The following MYG1 variants were observed in gnomAD, a reference collection of about 807,000 sequenced individuals.
MYG1 encodes MYG1 exonuclease.
MYG1 carries 36 observed loss-of-function variants against 43.5 expected under a neutral mutation model. The observed-to-expected ratio is 0.83, with a 90% CI of 0.63 to 1.09. The LOEUF (loss-of-function observed/expected upper bound fraction) is 1.09. MYG1 is among the 50% of genes least tolerant of loss of function. MYG1 has a pLI of 0.00. For missense variants in MYG1, 529 were observed against 495.1 expected (o/e 1.07, Z -0.65); for synonymous variants, 220 against 202.8 (o/e 1.08, Z -0.72).
At chr12:53,304,078 C>A (rs1370019312) in intron 3 of MYG1, among the ~76,000 whole-genome samples, 1 of 151,958 alleles carries the variant, frequency 6.6e-6, no homozygotes, top group African/African-American at 2.4e-5. Flanking sequence ...CTCCTGACCT[C>A]GTGATCTGCC....
At position 53,299,782 on chromosome 12, in the gene MYG1, GCCGCCACCCCTGTATAC is replaced by G. The variant is rs1280954485; in HGVS notation, c.49_65del (p.Pro17AlafsTer67). The stretch of plus-strand genomic sequence containing the variant: ...GCGGCCTCTTAACGCTGCTGCTGCC[GCCGCCACCCCTGTATAC>G]CCGGCACCGCATGCTCGGTCCAGAG... On this transcript the variant is annotated frameshift_variant, in exon 1 of 7. Coordinates refer to ENST00000267103, the MANE Select transcript of MYG1 (RefSeq NM_021640.4). LOFTEE classifies it high-confidence loss of function. 9.3e-6 allele frequency: 15 copies of G among 1,613,858 alleles called. No individual in the cohort carries two copies. Among genetic ancestry groups the G allele is most frequent in the Non-Finnish European group, 1.3e-5 (15 of 1,179,970 alleles).
intron 3 of MYG1, among the ~76,000 whole-genome samples, chr12:53,304,526 G>A (rs554381985): frequency 8.6e-5 from 13 of 151,390 alleles, no homozygotes; most frequent in Non-Finnish European, 1.3e-4. Context: ...CTCAAGTAAC[G>A]CACCCACCTT....
rs769806164 is a variant in MYG1, at chr12:53,299,937, T to G, written c.200T>G (p.Leu67Arg). 1.2e-6 allele frequency: 2 copies of G among 1,614,176 alleles called. No individual in the cohort carries two copies. The highest frequency in any genetic ancestry group is 1.1e-5 in the South Asian group (1 of 91,086). Reference protein sequence around the residue: ...DEALACALLRLLPEYRDAEIV... With the variant: ...DEALACALLRRLPEYRDAEIV... ...GCACTGGCATGCGCACTGCTTCGCC[T>G]CCTGCCGGAGTACCGGGTACGGTCC... Residue 67 changes from leucine (L) to arginine (R), a missense_variant, in exon 1 of 7, where the codon CTC (leucine) becomes CGC (arginine). Transcript: ENST00000267103.
At chr12:53,300,707 TTCCAA>T (rs1445435038) in intron 2 of MYG1, among the ~76,000 whole-genome samples, 7 of 152,120 alleles carry the variant, frequency 4.6e-5, no homozygotes, top group African/African-American at 1.7e-4. Flanking sequence ...GGGTAGCCCA[TTCCAA>T]TCCTTTTCTT....
intron 2 of MYG1, among the ~76,000 whole-genome samples, chr12:53,302,081 A>C (rs779485911): frequency 3.7e-4 from 57 of 152,194 alleles, no homozygotes; most frequent in Non-Finnish European, 7.8e-4. Flanking sequence ...TCCCAGATTC[A>C]AGTAATTCTC....
chr12:53,307,047 C>A lies in MYG1; in HGVS notation c.1029C>A (p.Val343=). 6.2e-7 allele frequency: 1 copy of A among 1,614,270 alleles called. No individual in the cohort carries two copies. The highest frequency in any genetic ancestry group is 8.5e-7 in the Non-Finnish European group (1 of 1,180,046). ...GTGGGATCCCTGGCTGCATCTTCGTCCATGCAAGCGGCTTCACTGGCGGTC... is the reference window on the plus strand; with the variant it reads ...GTGGGATCCCTGGCTGCATCTTCGTACATGCAAGCGGCTTCACTGGCGGTC... The part of the protein sequence containing the change: ...QVSGIPGCIF[V]HASGFTGGHH... The change falls in exon 7 of 7, where the codon GTC becomes GTA. Residue 343 remains valine (V), a synonymous_variant. Transcript: ENST00000267103.
rs368387076 is a variant in MYG1, at chr12:53,305,208, C to A, written c.490-700C>A. 7.2e-5 allele frequency among the ~76,000 whole-genome samples: 11 copies of A among 152,290 alleles called. No individual in the cohort carries two copies. In the East Asian group the frequency reaches 1.7e-3, roughly 24 times the overall value. On this transcript the variant is annotated intron_variant, in intron 3 of 6. Transcript: ENST00000267103. ...ACTGAGCATCAGGTTGGGATCCAAA[C>A]CAAGAAGAGCTGGGCATAGGAGTTA...
chr12:53,304,859 ATGTTTTT>A (rs1944259114), intron 3 of MYG1, among the ~76,000 whole-genome samples: 1 of 108,000 alleles, frequency 9.3e-6, no homozygotes, highest in African/African-American at 3.6e-5. Context: ...GCCTAAACCC[ATGTTTTT>A]TTTTTTTTTT....
Position 53,305,938 on chromosome 12 carries a change from G to A in MYG1, c.520G>A (p.Ala174Thr). The A allele has an allele frequency of 6.2e-7, 1 of 1,612,184 alleles. No homozygotes were observed. Among genetic ancestry groups the A allele is most frequent in the Non-Finnish European group, 8.5e-7 (1 of 1,179,122 alleles). ...TGAGAACTTTGTGGAGGAGGTGGATGCTGTGGACAATGGGATCTCCCAGTG... is the reference window on the plus strand; with the variant it reads ...TGAGAACTTTGTGGAGGAGGTGGATACTGTGGACAATGGGATCTCCCAGTG... ...MYENFVEEVD[A>T]VDNGISQWAE... is the part of the protein sequence containing the mutation. Residue 174 changes from alanine to threonine, a missense_variant, in exon 4 of 7, where the codon GCT becomes ACT. Ala to Thr is a moderately conservative substitution (Grantham distance 58). Transcript: ENST00000267103.
At chr12:53,306,569 C>T (rs1404827903) in intron 5 of MYG1, 111 bp from the exon 6 acceptor site, 3 of 1,252,492 alleles carry the variant, frequency 2.4e-6, no homozygotes, top group African/African-American at 3.0e-5. Flanking sequence ...GTCTCAAATT[C>T]CTGGGCTCAA....
intron 2 of MYG1, among the ~76,000 whole-genome samples, chr12:53,301,110 G>A (rs1302884544): frequency 6.6e-6 from 1 of 151,902 alleles, no homozygotes; most frequent in African/African-American, 2.4e-5. Context: ...AGTAGAGACG[G>A]GTTTCACCAT....
Position 53,306,762 on chromosome 12 carries a change from T to G in MYG1, c.848T>G (p.Leu283Arg). 1 of 1,614,252 alleles carries G rather than the reference T, an allele frequency of 6.2e-7. No homozygotes were observed. The highest frequency in any genetic ancestry group is 1.1e-5 in the South Asian group (1 of 91,088). The part of the protein sequence containing the change: ...KEHLYHLESG[L>R]SPPVAIFFVI... ...CATCTCTACCACCTGGAATCTGGGCTGTCCCCTCCAGTGGCCATCTTCTTT... is the reference window on the plus strand; with the variant it reads ...CATCTCTACCACCTGGAATCTGGGCGGTCCCCTCCAGTGGCCATCTTCTTT... The change falls in exon 6 of 7, where the codon CTG becomes CGG. Residue 283 changes from leucine (L) to arginine (R), a missense_variant. Coordinates refer to ENST00000267103, the MANE Select transcript of MYG1 (RefSeq NM_021640.4).
chr12:53,303,607 G>A (rs1944246904), intron 3 of MYG1: 1 of 158,252 alleles, frequency 6.3e-6, no homozygotes, highest in Non-Finnish European at 1.4e-5. Context: ...TAGTTCACTA[G>A]TGGCACATAA....
At chr12:53,305,809 A>T in intron 3 of MYG1, 99 bp from the exon 4 acceptor site, 1 of 1,438,144 alleles carries the variant, frequency 7.0e-7, no homozygotes, top group Middle Eastern at 1.9e-4. Flanking sequence ...AGAGATCCTC[A>T]CAGGGCTGAA....
At chr12:53,304,980 T>G (rs1190490666) in intron 3 of MYG1, among the ~76,000 whole-genome samples, 1 of 149,438 alleles carries the variant, frequency 6.7e-6, no homozygotes, top group Admixed American at 6.7e-5. Context: ...GCCATTGTCC[T>G]GCCTCAGCCT....
chr12:53,300,414 C>G (rs1003787770), intron 2 of MYG1, 152 bp downstream of exon 2: 1 of 596,024 alleles, frequency 1.7e-6, no homozygotes, highest in Non-Finnish European at 2.8e-6. Context: ...ATCCTTCCGG[C>G]CCTGCCTGTT....
intron 2 of MYG1, among the ~76,000 whole-genome samples, chr12:53,300,943 G>C (rs1239751161): frequency 7.0e-5 from 10 of 143,158 alleles, no homozygotes; most frequent in African/African-American, 2.6e-4. Context: ...TTTTTGAGAC[G>C]GAGTCTCCCA....
chr12:53,300,141 A>G lies in MYG1; in HGVS notation c.217-9A>G, dbSNP rs575363822. ...CCCGGCAGCCCCTTCACCCCTGTGT[A>G]CCTCGCAGGATGCAGAGATTGTGCG... On this transcript the variant is annotated splice_polypyrimidine_tract_variant and intron_variant, in intron 1 of 6. Coordinates refer to ENST00000267103, the MANE Select transcript of MYG1 (RefSeq NM_021640.4). The G allele has an allele frequency of 6.3e-7, 1 of 1,590,296 alleles. No individual in the cohort carries two copies. The highest frequency in any genetic ancestry group is 8.6e-7 in the Non-Finnish European group (1 of 1,166,864).
chr12:53,306,757 T>C lies in MYG1; in HGVS notation c.843T>C (p.Ser281=), dbSNP rs201993602. ...PWKEHLYHLE[S]GLSPPVAIFF... The stretch of plus-strand genomic sequence containing the variant: ...AGGAGCATCTCTACCACCTGGAATC[T>C]GGGCTGTCCCCTCCAGTGGCCATCT... The change falls in exon 6 of 7, where the codon TCT becomes TCC. Residue 281 remains serine, a synonymous_variant. Coordinates refer to ENST00000267103, the MANE Select transcript of MYG1 (RefSeq NM_021640.4). 6.2e-7 allele frequency: 1 copy of C among 1,614,250 alleles called. No homozygotes were observed. Among genetic ancestry groups the C allele is most frequent in the Non-Finnish European group, 8.5e-7 (1 of 1,180,036 alleles).
Sources: allele counts gnomAD v4.1 joint callset (sites outside exome capture counted in the v4.1 genomes callset), GRCh38; gene constraint gnomAD v4.1.1; transcripts MANE v1.5; gene names NCBI Gene and HGNC (gene_info 2026-07-23, HGNC 2026-07-21).